Variants in TCF12 observed in about 807,000 individuals in gnomAD.
TCF12 encodes transcription factor 12.
TCF12 carries 45 observed loss-of-function variants against 86.0 expected under a neutral mutation model. The ratio of observed to expected loss-of-function variants is 0.52; its 90% CI spans 0.41 to 0.67. The LOEUF is 0.67. TCF12 is among the 30% of genes least tolerant of loss of function. The pLI is 0.00. For synonymous variants in TCF12, 330 were observed against 299.6 expected (o/e 1.10, Z -1.05); for missense variants, 881 against 859.9 (o/e 1.02, Z -0.31).
At chr15:57,102,469 A>G (rs2957592) in intron 5 of TCF12, among the ~76,000 whole-genome samples, 124,679 of 152,022 alleles carry the variant, frequency 0.82, 51,666 homozygotes, top group African/African-American at 0.94. Flanking sequence ...GTCGTGACGC[A>G]CACCTGTAAT....
At chr15:56,920,113 C>T (rs915301623) in intron 2 of TCF12, 125 bp downstream of exon 2, 22 of 1,046,876 alleles carry the variant, frequency 2.1e-5, no homozygotes, top group Non-Finnish European at 3.1e-5. Flanking sequence ...ACTCCATCTG[C>T]TTTCTGCTTA....
intron 6 of TCF12, among the ~76,000 whole-genome samples, chr15:57,188,911 C>T (rs1250847292): frequency 6.6e-6 from 1 of 152,232 alleles, no homozygotes; most frequent in Admixed American, 6.5e-5. Flanking sequence ...CCTCAGCCTC[C>T]TGAGTAGCTG....
intron 3 of TCF12, among the ~76,000 whole-genome samples, chr15:57,041,894 A>G (rs2141457655): frequency 6.6e-6 from 1 of 152,328 alleles, no homozygotes; most frequent in Non-Finnish European, 1.5e-5. Context: ...CTTCATATTT[A>G]TGAAAGTCAT....
At chr15:56,970,349 G>A (rs772269459) in intron 3 of TCF12, among the ~76,000 whole-genome samples, 60 of 151,488 alleles carry the variant, frequency 4.0e-4, no homozygotes, top group Non-Finnish European at 2.1e-4. Flanking sequence ...GCATGGTGGC[G>A]CGCACCTGTA....
chr15:57,170,702 TATA>T (rs1567558609), intron 6 of TCF12, among the ~76,000 whole-genome samples: 1 of 6,216 alleles, frequency 1.6e-4, no homozygotes, highest in Admixed American at 4.2e-3. Flanking sequence ...ATATATTATA[TATA>T]ATATATAATA....
At chr15:57,212,484 C>A (rs1325785358) in intron 8 of TCF12, among the ~76,000 whole-genome samples, 1 of 152,054 alleles carries the variant, frequency 6.6e-6, no homozygotes, top group African/African-American at 2.4e-5. Context: ...TGCCATGTTG[C>A]CCAGGCTGGT....
At chr15:57,148,569 C>T (rs1374696138) in intron 5 of TCF12, among the ~76,000 whole-genome samples, 1 of 151,832 alleles carries the variant, frequency 6.6e-6, no homozygotes, top group Non-Finnish European at 1.5e-5. Context: ...TACAAGTTTA[C>T]AAAAATTGTT....
intron 5 of TCF12, among the ~76,000 whole-genome samples, chr15:57,141,972 G>A (rs1374199757): frequency 6.6e-6 from 1 of 152,160 alleles, no homozygotes; most frequent in African/African-American, 2.4e-5. Flanking sequence ...GGAATAGTTT[G>A]GGTGTTTAAC....
intron 3 of TCF12, among the ~76,000 whole-genome samples, chr15:56,984,124 GT>G (rs1456582359): frequency 1.4e-5 from 2 of 147,112 alleles, no homozygotes; most frequent in Non-Finnish European, 1.5e-5. Context: ...TTGTTCTTCT[GT>G]TTTCACCTTT....
intron 3 of TCF12, among the ~76,000 whole-genome samples, chr15:57,022,850 A>G (rs1370125398): frequency 2.0e-5 from 3 of 152,116 alleles, no homozygotes; most frequent in African/African-American, 4.8e-5. Flanking sequence ...GTGGTCAGAC[A>G]GATCTTTTCT....
At chr15:57,246,912 T>C (rs1382377842) in intron 13 of TCF12, 2 of 499,924 alleles carry the variant, frequency 4.0e-6, no homozygotes, top group Non-Finnish European at 7.9e-6. Context: ...TCCTGACAAC[T>C]CCTCGTTCTC....
At chr15:57,210,891 C>T (rs1298030611) in intron 8 of TCF12, among the ~76,000 whole-genome samples, 1 of 152,172 alleles carries the variant, frequency 6.6e-6, no homozygotes, top group African/African-American at 2.4e-5. Flanking sequence ...ATTCTCCAGC[C>T]AAAAGGAGCA....
chr15:57,121,622 C>T (rs2051239968), intron 5 of TCF12, among the ~76,000 whole-genome samples: 1 of 152,182 alleles, frequency 6.6e-6, no homozygotes, highest in Non-Finnish European at 1.5e-5. Flanking sequence ...TACAGTATTG[C>T]TCCCCTCAGA....
intron 3 of TCF12, among the ~76,000 whole-genome samples, chr15:57,035,901 A>G (rs2141392805): frequency 6.6e-6 from 1 of 152,310 alleles, no homozygotes; most frequent in South Asian, 2.1e-4. Flanking sequence ...TCCACCTCCC[A>G]GATCAGCAGC....
At chr15:57,224,917 A>C (rs1164445453) in intron 8 of TCF12, among the ~76,000 whole-genome samples, 2 of 152,024 alleles carry the variant, frequency 1.3e-5, no homozygotes, top group African/African-American at 4.8e-5. Context: ...TTTCCCCCTC[A>C]GGCTTGAAAT....
At chr15:57,170,775 TATAATATATATATATA>T (rs2055406074) in intron 6 of TCF12, among the ~76,000 whole-genome samples, 1 of 2,486 alleles carries the variant, frequency 4.0e-4, no homozygotes, top group African/African-American at 5.8e-4. Context: ...ATATATTATA[TATAATATATATATATA>T]ATATATATAT....
At chr15:57,103,057 A>T (rs1221048678) in intron 5 of TCF12, among the ~76,000 whole-genome samples, 1 of 152,180 alleles carries the variant, frequency 6.6e-6, no homozygotes, top group Admixed American at 6.5e-5. Context: ...TTCAAAGAAC[A>T]GCTGCAAAGA....
intron 15 of TCF12, 133 bp from the exon 16 acceptor site, chr15:57,253,128 TG>T: frequency 1.2e-6 from 1 of 828,446 alleles, no homozygotes; most frequent in Non-Finnish European, 1.9e-6. Flanking sequence ...ATAGTTCAGG[TG>T]GTTGCTTTTG....
chr15:57,234,742 A>G (rs780891463), intron 12 of TCF12, among the ~76,000 whole-genome samples: 3 of 152,222 alleles, frequency 2.0e-5, no homozygotes, highest in African/African-American at 4.8e-5. Flanking sequence ...CGGAATGCCA[A>G]AACTAGAAGG....
Sources: allele counts gnomAD v4.1 joint callset (sites outside exome capture counted in the v4.1 genomes callset), GRCh38; gene constraint gnomAD v4.1.1; transcripts MANE v1.5; gene names NCBI Gene and HGNC (gene_info 2026-07-23, HGNC 2026-07-21).